ZNF385D: variants seen among roughly 807,000 people sequenced by gnomAD.
ZNF385D encodes the protein zinc finger protein 385D, also known as zinc finger protein 659.
Under a neutral mutation model 35.8 loss-of-function variants are expected in ZNF385D, and 15 were observed. The observed-to-expected ratio is 0.42, with a 90% CI of 0.28 to 0.64. The LOEUF (loss-of-function observed/expected upper bound fraction) is 0.64. Among genes scored for constraint, ZNF385D ranks in the 30% least tolerant of loss-of-function variants. The pLI is 0.23. For missense variants in ZNF385D, 474 were observed against 494.6 expected (o/e 0.96, Z 0.39); for synonymous variants, 212 against 186.8 (o/e 1.13, Z -1.10).
At chr3:21,728,208 A>C (rs1216795639) in intron 1 of ZNF385D, among the ~76,000 whole-genome samples, 4 of 151,946 alleles carry the variant, frequency 2.6e-5, no homozygotes, top group Admixed American at 6.6e-5. Context: ...TGGGTGCAGC[A>C]AACCACCATG....
chr3:22,247,505 G>A (rs1373001262), intron 2 of ZNF385D, among the ~76,000 whole-genome samples: 5 of 151,950 alleles, frequency 3.3e-5, no homozygotes. Context: ...TGTTAGAAAT[G>A]TTTTGAGAAC....
intron 4 of ZNF385D, among the ~76,000 whole-genome samples, chr3:21,492,129 G>A (rs1559343169): frequency 6.6e-6 from 1 of 151,922 alleles, no homozygotes; most frequent in South Asian, 2.1e-4. Context: ...TTTTCTTTTT[G>A]CAATAAATAA....
chr3:21,644,289 A>G (rs1398538656), intron 2 of ZNF385D, among the ~76,000 whole-genome samples: 1 of 152,168 alleles, frequency 6.6e-6, no homozygotes, highest in African/African-American at 2.4e-5. Flanking sequence ...TGAAAGCAAG[A>G]TAATTATTTA....
intron 1 of ZNF385D, among the ~76,000 whole-genome samples, chr3:21,730,387 C>T (rs919462979): frequency 6.6e-6 from 1 of 152,170 alleles, no homozygotes; most frequent in South Asian, 2.1e-4. Context: ...AGCTTTTGCA[C>T]ATTTTTAAGC....
chr3:22,024,335 T>C lies in ZNF385D; in HGVS notation c.325+144482A>G, dbSNP rs114036730. ...TATATGTGTGCGTGTGTGTGTATGATAGGATACCTATATATCCTATTCGTT... is the reference window on the plus strand; with the variant it reads ...TATATGTGTGCGTGTGTGTGTATGACAGGATACCTATATATCCTATTCGTT... On this transcript the variant is annotated intron_variant, in intron 3 of 5. Transcript: ENST00000494108. Among the ~76,000 whole-genome samples the C allele has an allele frequency of 5.6e-3, 850 of 152,136 alleles. 4 individuals are homozygous for C. The highest frequency in any genetic ancestry group is 9.3e-3 in the Non-Finnish European group (631 of 67,986).
chr3:22,206,911 A>G (rs908118481), intron 2 of ZNF385D, among the ~76,000 whole-genome samples: 2 of 151,914 alleles, frequency 1.3e-5, no homozygotes, highest in African/African-American at 2.4e-5. Context: ...AGAAATAAAG[A>G]TCAGCATAGA....
chr3:21,843,084 A>T (rs1695779520), intron 3 of ZNF385D, among the ~76,000 whole-genome samples: 1 of 152,076 alleles, frequency 6.6e-6, no homozygotes, highest in African/African-American at 2.4e-5. Flanking sequence ...CTTTTATTGG[A>T]AACTATTTAT....
At chr3:21,664,455 T>C (rs2066340259) in intron 2 of ZNF385D, among the ~76,000 whole-genome samples, 1 of 152,174 alleles carries the variant, frequency 6.6e-6, no homozygotes, top group Non-Finnish European at 1.5e-5. Context: ...ACTGCTGCCA[T>C]TGTCAAGGTC....
At chr3:21,425,739 A>G in intron 5 of ZNF385D, 69 bp from the exon 6 acceptor site, 1 of 1,426,424 alleles carries the variant, frequency 7.0e-7, no homozygotes, top group Non-Finnish European at 9.3e-7. Context: ...AGGAGGTGGG[A>G]TGGGAGGAAA....
chr3:22,108,187 A>G (rs576108578), intron 3 of ZNF385D, among the ~76,000 whole-genome samples: 1 of 152,254 alleles, frequency 6.6e-6, no homozygotes, highest in East Asian at 1.9e-4. Context: ...AAATATTTGT[A>G]TGTCTGCATA....
chr3:21,618,876 A>T (rs895963575), intron 2 of ZNF385D, among the ~76,000 whole-genome samples: 3 of 152,134 alleles, frequency 2.0e-5, no homozygotes, highest in African/African-American at 7.2e-5. Flanking sequence ...TATAGATAAC[A>T]TCTCTGACCG....
Position 21,711,957 on chromosome 3 carries a change from T to C in ZNF385D, c.22+38938A>G, listed in dbSNP as rs142116185. 1.7e-3 allele frequency among the ~76,000 whole-genome samples: 260 copies of C among 152,340 alleles called. 1 individual carries two copies. The highest frequency in any genetic ancestry group is 5.9e-3 in the African/African-American group (246 of 41,580). ...ACACACAATTATGTAAATGTCACTT[T>C]GCTAATTATAATCTTCCATAATATC... On this transcript the variant is annotated intron_variant, in intron 1 of 7. Transcript: ENST00000281523.
At chr3:22,226,156 A>C (rs1484092672) in intron 2 of ZNF385D, among the ~76,000 whole-genome samples, 1 of 152,142 alleles carries the variant, frequency 6.6e-6, no homozygotes, top group Non-Finnish European at 1.5e-5. Flanking sequence ...AGTACTGTTC[A>C]TTTTATATCA....
At chr3:21,780,238 A>G (rs1471171380) in intron 3 of ZNF385D, among the ~76,000 whole-genome samples, 1 of 152,014 alleles carries the variant, frequency 6.6e-6, no homozygotes, top group Non-Finnish European at 1.5e-5. Flanking sequence ...CAACCTCTTT[A>G]ACAATCCTAT....
At chr3:21,759,717 C>T (rs1324924490) in intron 3 of ZNF385D, among the ~76,000 whole-genome samples, 2 of 152,032 alleles carry the variant, frequency 1.3e-5, no homozygotes, top group Admixed American at 6.6e-5. Flanking sequence ...CCCAGAGACC[C>T]ACCTCAAATA....
chr3:21,917,420 A>G (rs1462707068), intron 3 of ZNF385D, among the ~76,000 whole-genome samples: 1 of 142,860 alleles, frequency 7.0e-6, no homozygotes, highest in East Asian at 2.1e-4. Context: ...CAACAGAGTG[A>G]TACTCCGTCT....
chr3:21,999,959 C>A (rs1323189199), intron 3 of ZNF385D, among the ~76,000 whole-genome samples: 1 of 152,050 alleles, frequency 6.6e-6, no homozygotes, highest in East Asian at 1.9e-4. Flanking sequence ...GGAAGAGATA[C>A]ACACATCCAG....
Position 21,421,330 on chromosome 3 carries a change from G to A in ZNF385D, c.1072C>T (p.Arg358Ter), listed in dbSNP as rs754947529. 1.9e-6 allele frequency: 3 copies of A among 1,613,734 alleles called. No homozygotes were observed. Among genetic ancestry groups the A allele is most frequent in the South Asian group, 1.1e-5 (1 of 91,050 alleles). Residue 358 changes from arginine (R) to a stop codon, truncating the protein, a stop_gained, in exon 8 of 8, where the codon CGA (arginine) becomes TGA (stop). Coordinates refer to ENST00000281523, the MANE Select transcript of ZNF385D (RefSeq NM_024697.3). LOFTEE classifies it high-confidence loss of function. ...AVAVSSPFSL[R>*]TAPAATLFQT... ...AACAGTGTTGCTGCTGGAGCAGTTCGAAGACTGAAGGGGGAACTCACTGCC... is the reference window on the plus strand; with the variant it reads ...AACAGTGTTGCTGCTGGAGCAGTTCAAAGACTGAAGGGGGAACTCACTGCC...
intron 2 of ZNF385D, among the ~76,000 whole-genome samples, chr3:22,359,101 A>G (rs1165674361): frequency 8.7e-5 from 6 of 69,188 alleles, no homozygotes; most frequent in Non-Finnish European, 1.9e-4. Flanking sequence ...AACAAGAAAC[A>G]AAAAAAACAC....
Sources: allele counts gnomAD v4.1 joint callset (sites outside exome capture counted in the v4.1 genomes callset), GRCh38; gene constraint gnomAD v4.1.1; transcripts MANE v1.5; gene names NCBI Gene and HGNC (gene_info 2026-07-23, HGNC 2026-07-21).